CDH18: variants seen among roughly 807,000 people sequenced by gnomAD.
CDH18 encodes the protein cadherin 18, also known as cadherin-18.
CDH18 carries 31 observed loss-of-function variants against 67.9 expected under a neutral mutation model. That is an observed-to-expected ratio of 0.46 (90% CI 0.34 to 0.62). The LOEUF (loss-of-function observed/expected upper bound fraction) is 0.62. Among genes scored for constraint, CDH18 ranks in the 20% least tolerant of loss-of-function variants. The pLI is 0.01. For missense variants in CDH18, 890 were observed against 975.5 expected (o/e 0.91, Z 1.17); for synonymous variants, 362 against 347.2 (o/e 1.04, Z -0.48).
chr5:20,215,675 G>A (rs1484780589), intron 2 of CDH18, among the ~76,000 whole-genome samples: 2 of 151,826 alleles, frequency 1.3e-5, no homozygotes, highest in African/African-American at 4.8e-5. Context: ...ACATGCACAT[G>A]TATGTTTATT....
At chr5:20,308,074 T>C (rs1322178992) in intron 1 of CDH18, among the ~76,000 whole-genome samples, 5 of 142,042 alleles carry the variant, frequency 3.5e-5, no homozygotes, top group Admixed American at 6.9e-5. Flanking sequence ...CTTTGAATAC[T>C]ACTGCTTTTT....
intron 2 of CDH18, among the ~76,000 whole-genome samples, chr5:20,092,353 G>GA (rs1266017737): frequency 6.6e-6 from 1 of 151,996 alleles, no homozygotes; most frequent in Non-Finnish European, 1.5e-5. Flanking sequence ...TGCTAAACTA[G>GA]AAAAATAGAC....
intron 1 of CDH18, among the ~76,000 whole-genome samples, chr5:20,473,574 C>A (rs1317221012): frequency 6.6e-6 from 1 of 151,804 alleles, no homozygotes; most frequent in Non-Finnish European, 1.5e-5. Context: ...AAATATTGTT[C>A]TTTTCACTTG....
intron 1 of CDH18, among the ~76,000 whole-genome samples, chr5:20,460,432 TAAA>T (rs1751176581): frequency 1.4e-5 from 2 of 140,920 alleles, no homozygotes; most frequent in Non-Finnish European, 3.0e-5. Flanking sequence ...AATAAATAAA[TAAA>T]TAAATAAAAT....
intron 2 of CDH18, among the ~76,000 whole-genome samples, chr5:20,134,058 C>T (rs1188017945): frequency 6.6e-6 from 1 of 152,106 alleles, no homozygotes; most frequent in East Asian, 1.9e-4. Flanking sequence ...GAACCTCTGC[C>T]TGCTGGGTTC....
At chr5:19,955,670 G>T (rs1056516632) in intron 2 of CDH18, among the ~76,000 whole-genome samples, 4 of 151,920 alleles carry the variant, frequency 2.6e-5, no homozygotes, top group Admixed American at 2.6e-4. Flanking sequence ...AGTTGCTAAA[G>T]AATTTAATGA....
intron 1 of CDH18, among the ~76,000 whole-genome samples, chr5:20,432,837 G>C (rs1748859857): frequency 6.6e-6 from 1 of 150,606 alleles, no homozygotes; most frequent in Admixed American, 6.7e-5. Context: ...ATGTAAATTG[G>C]GGAAGAAAAC....
chr5:19,849,434 A>G (rs992486924), intron 2 of CDH18, among the ~76,000 whole-genome samples: 2 of 151,852 alleles, frequency 1.3e-5, no homozygotes, highest in African/African-American at 4.8e-5. Context: ...ATAGAAGCCT[A>G]GAGAACAATG....
chr5:19,551,949 T>C (rs1473900293), intron 8 of CDH18, among the ~76,000 whole-genome samples: 1 of 152,178 alleles, frequency 6.6e-6, no homozygotes, highest in Admixed American at 6.5e-5. Flanking sequence ...AACACAGATG[T>C]ATTGCTTGGC....
intron 1 of CDH18, among the ~76,000 whole-genome samples, chr5:20,311,810 G>C (rs999460843): frequency 6.6e-6 from 1 of 152,052 alleles, no homozygotes; most frequent in Non-Finnish European, 1.5e-5. Flanking sequence ...AAAAATTATT[G>C]TATGATACTC....
chr5:19,577,744 G>T (rs1742551149), intron 7 of CDH18, among the ~76,000 whole-genome samples: 1 of 152,164 alleles, frequency 6.6e-6, no homozygotes, highest in African/African-American at 2.4e-5. Flanking sequence ...TGTACACATG[G>T]GAAGGACATG....
chr5:20,290,195 A>T (rs1317417548), intron 1 of CDH18, among the ~76,000 whole-genome samples: 1 of 152,038 alleles, frequency 6.6e-6, no homozygotes, highest in East Asian at 1.9e-4. Flanking sequence ...CATCTGACCT[A>T]CTGAATCAGA....
intron 2 of CDH18, among the ~76,000 whole-genome samples, chr5:20,091,388 G>A (rs1745406809): frequency 6.6e-6 from 1 of 152,152 alleles, no homozygotes; most frequent in East Asian, 1.9e-4. Flanking sequence ...CTACTCAGGA[G>A]GCTGAGGCAG....
intron 1 of CDH18, among the ~76,000 whole-genome samples, chr5:20,518,599 G>A (rs1755523560): frequency 6.6e-6 from 1 of 152,142 alleles, no homozygotes; most frequent in Admixed American, 6.6e-5. Context: ...TTAGTTGACA[G>A]ACAGTAAATC....
At chr5:19,619,900 T>C (rs1411688420) in intron 5 of CDH18, among the ~76,000 whole-genome samples, 2 of 152,140 alleles carry the variant, frequency 1.3e-5, no homozygotes, top group Non-Finnish European at 2.9e-5. Context: ...ATATATGAAA[T>C]TATATTAGAC....
At chr5:20,291,102 A>T (rs1166065338) in intron 1 of CDH18, among the ~76,000 whole-genome samples, 1 of 152,218 alleles carries the variant, frequency 6.6e-6, no homozygotes, top group Non-Finnish European at 1.5e-5. Context: ...TGTCATGAAT[A>T]AAATATGTAA....
chr5:20,097,232 A>T (rs545245979), intron 2 of CDH18, among the ~76,000 whole-genome samples: 34 of 152,166 alleles, frequency 2.2e-4, no homozygotes, highest in African/African-American at 8.0e-4. Flanking sequence ...TCACTCTGTT[A>T]ATCTGTTGTC....
At chr5:20,154,495 T>C (rs1473474441) in intron 2 of CDH18, among the ~76,000 whole-genome samples, 1 of 152,148 alleles carries the variant, frequency 6.6e-6, no homozygotes, top group Non-Finnish European at 1.5e-5. Flanking sequence ...TTCCAATTGC[T>C]TTTGGAGACA....
chr5:20,540,905 G>C (rs78057930), intron 1 of CDH18, among the ~76,000 whole-genome samples: 3 of 152,152 alleles, frequency 2.0e-5, no homozygotes, highest in Non-Finnish European at 2.9e-5. Context: ...CCACTTGACC[G>C]TCTGAGTATA....
Sources: allele counts gnomAD v4.1 joint callset (sites outside exome capture counted in the v4.1 genomes callset), GRCh38; gene constraint gnomAD v4.1.1; transcripts MANE v1.5; gene names NCBI Gene and HGNC (gene_info 2026-07-23, HGNC 2026-07-21).